The following CDH18 variants were observed in gnomAD, a reference collection of about 807,000 sequenced individuals.
CDH18 encodes the protein cadherin-18.
In CDH18, 31 loss-of-function variants were observed where a neutral mutation model predicts 67.9. The observed-to-expected ratio is 0.46, with a 90% CI of 0.34 to 0.62. The LOEUF (loss-of-function observed/expected upper bound fraction) is 0.62. Ranked by LOEUF, CDH18 falls within the 20% of genes least tolerant of loss-of-function variation. The probability of loss-of-function intolerance (pLI) is 0.01; values close to 1 mark genes in which losing one functional copy is unlikely to be tolerated. For synonymous variants in CDH18, 362 were observed against 347.2 expected (o/e 1.04, Z -0.48); for missense variants, 890 against 975.5 (o/e 0.91, Z 1.17).
chr5:19,986,413 A>G (rs1250395132), intron 1 of CDH18, among the ~76,000 whole-genome samples: 1 of 152,186 alleles, frequency 6.6e-6, no homozygotes, highest in East Asian at 1.9e-4. Flanking sequence ...TGTTGCATGT[A>G]TAATAGCCAA....
chr5:19,475,305 T>G (rs923814048), intron 12 of CDH18, among the ~76,000 whole-genome samples: 1 of 151,524 alleles, frequency 6.6e-6, no homozygotes, highest in Admixed American at 6.6e-5. Context: ...TTGATACACA[T>G]AATTTAGTAA....
chr5:20,539,448 C>T (rs1295025495), intron 1 of CDH18, among the ~76,000 whole-genome samples: 1 of 151,780 alleles, frequency 6.6e-6, no homozygotes, highest in East Asian at 1.9e-4. Flanking sequence ...TTCTGGTAGA[C>T]TTACAAAAAA....
At chr5:20,172,242 A>ATATATATATGTATATGTG (rs1736883893) in intron 2 of CDH18, among the ~76,000 whole-genome samples, 6 of 56,700 alleles carry the variant, frequency 1.1e-4, no homozygotes, top group South Asian at 1.1e-3. Context: ...ATATATATGT[A>ATATATATATGTATATGTG]TATATATATA....
intron 10 of CDH18, among the ~76,000 whole-genome samples, chr5:19,516,590 T>A (rs751755818): frequency 1.3e-5 from 2 of 152,144 alleles, no homozygotes; most frequent in Non-Finnish European, 2.9e-5. Flanking sequence ...GGGTATATTG[T>A]CCAGGACTGT....
intron 1 of CDH18, among the ~76,000 whole-genome samples, chr5:20,298,091 T>A (rs1371902493): frequency 6.6e-6 from 1 of 152,166 alleles, no homozygotes; most frequent in Non-Finnish European, 1.5e-5. Flanking sequence ...AACTTGCCTG[T>A]CTAAAAAACC....
intron 7 of CDH18, among the ~76,000 whole-genome samples, chr5:19,573,021 A>T (rs531735108): frequency 6.6e-6 from 1 of 152,298 alleles, no homozygotes; most frequent in African/African-American, 2.4e-5. Context: ...CTAGAAAACT[A>T]GGGTCACAGG....
intron 1 of CDH18, among the ~76,000 whole-genome samples, chr5:20,357,789 T>C (rs1241399938): frequency 6.6e-6 from 1 of 152,182 alleles, no homozygotes; most frequent in Non-Finnish European, 1.5e-5. Flanking sequence ...GCAATCCCAT[T>C]ATTGGGTATA....
chr5:19,541,971 T>C (rs1345601274), intron 9 of CDH18, among the ~76,000 whole-genome samples: 1 of 152,316 alleles, frequency 6.6e-6, no homozygotes, highest in East Asian at 1.9e-4. Flanking sequence ...ATTGCTAACG[T>C]CTGGTTATTT....
At chr5:20,492,221 C>A (rs890721964) in intron 1 of CDH18, among the ~76,000 whole-genome samples, 3 of 151,510 alleles carry the variant, frequency 2.0e-5, no homozygotes, top group Admixed American at 1.3e-4. Context: ...AATATAGGGG[C>A]ATTTGCTACA....
At chr5:19,546,494 A>T (rs183717374) in intron 8 of CDH18, among the ~76,000 whole-genome samples, 13 of 152,360 alleles carry the variant, frequency 8.5e-5, no homozygotes, top group African/African-American at 3.1e-4. Flanking sequence ...GAAATTTCCC[A>T]TTGAAAGTAA....
chr5:20,514,910 T>G (rs2126498659), intron 1 of CDH18, among the ~76,000 whole-genome samples: 1 of 152,244 alleles, frequency 6.6e-6, no homozygotes, highest in South Asian at 2.1e-4. Flanking sequence ...ACTGTTTTTC[T>G]GAACTCACTT....
chr5:19,477,701 A>T (rs1738719197), intron 12 of CDH18, among the ~76,000 whole-genome samples: 1 of 152,150 alleles, frequency 6.6e-6, no homozygotes, highest in Non-Finnish European at 1.5e-5. Flanking sequence ...AAAAGAATGT[A>T]TTCAAATGAC....
chr5:19,906,293 A>T (rs1790529298), intron 2 of CDH18, among the ~76,000 whole-genome samples: 1 of 151,966 alleles, frequency 6.6e-6, no homozygotes, highest in Non-Finnish European at 1.5e-5. Context: ...CTTCTACCCC[A>T]GATCCTTCCC....
At chr5:20,336,497 C>T (rs185851700) in intron 1 of CDH18, among the ~76,000 whole-genome samples, 6 of 151,942 alleles carry the variant, frequency 3.9e-5, no homozygotes, top group South Asian at 2.1e-4. Context: ...CCAAGGCGGG[C>T]GGATCACGAG....
chr5:19,729,365 GT>G (rs1389462180), intron 4 of CDH18, among the ~76,000 whole-genome samples: 4 of 152,152 alleles, frequency 2.6e-5, no homozygotes, highest in African/African-American at 9.7e-5. Flanking sequence ...GTTCAAAAAA[GT>G]TGTATAGTTG....
chr5:19,692,491 A>G (rs999275741), intron 5 of CDH18, among the ~76,000 whole-genome samples: 1 of 152,120 alleles, frequency 6.6e-6, no homozygotes, highest in Non-Finnish European at 1.5e-5. Context: ...TATCTAACAA[A>G]TGACTAATAG....
At chr5:19,718,529 G>GT (rs750979866) in intron 5 of CDH18, among the ~76,000 whole-genome samples, 6 of 151,888 alleles carry the variant, frequency 4.0e-5, no homozygotes, top group Non-Finnish European at 8.8e-5. Flanking sequence ...TCATAATTGG[G>GT]TTTTTAAGCA....
intron 1 of CDH18, among the ~76,000 whole-genome samples, chr5:20,464,114 T>A (rs143489130): frequency 6.6e-6 from 1 of 152,224 alleles, no homozygotes; most frequent in East Asian, 1.9e-4. Flanking sequence ...ATATTCTAAC[T>A]GATGAGGCTG....
At chr5:19,908,516 C>A (rs190943766) in intron 2 of CDH18, among the ~76,000 whole-genome samples, 2 of 152,102 alleles carry the variant, frequency 1.3e-5, no homozygotes, top group Non-Finnish European at 2.9e-5. Context: ...AAATTCTATC[C>A]TTCTAAAAAT....
Sources: allele counts gnomAD v4.1 joint callset (sites outside exome capture counted in the v4.1 genomes callset), GRCh38; gene constraint gnomAD v4.1.1; transcripts MANE v1.5; gene names NCBI Gene and HGNC (gene_info 2026-07-23, HGNC 2026-07-21).